Variants in RNF145 observed in about 807,000 individuals in gnomAD.
RNF145 encodes the protein ring finger protein 145.
A neutral mutation model predicts 57.3 loss-of-function variants in RNF145; 12 were observed. The observed-to-expected ratio is 0.21, with a 90% confidence interval of 0.13 to 0.34. The LOEUF (loss-of-function observed/expected upper bound fraction) is 0.34. Among genes scored for constraint, RNF145 ranks in the 10% least tolerant of loss-of-function variants. RNF145 has a pLI of 1.00. For synonymous variants in RNF145, 262 were observed against 288.3 expected (o/e 0.91, Z 0.92); for missense variants, 429 against 799.0 (o/e 0.54, Z 5.58).
At chr5:159,167,680 T>C (rs1784431157) in intron 8 of RNF145, among the ~76,000 whole-genome samples, 1 of 152,190 alleles carries the variant, frequency 6.6e-6, no homozygotes, top group African/African-American at 2.4e-5. Context: ...TTTTAAATGC[T>C]TCAGTCAAGA....
chr5:159,196,184 A>G (rs966686900), intron 2 of RNF145, among the ~76,000 whole-genome samples: 5 of 151,966 alleles, frequency 3.3e-5, no homozygotes, highest in African/African-American at 1.2e-4. Flanking sequence ...GATGGCTTTG[A>G]ATACAGCCCA....
intron 3 of RNF145, among the ~76,000 whole-genome samples, chr5:159,193,155 C>A (rs1785343726): frequency 6.6e-6 from 1 of 152,164 alleles, no homozygotes; most frequent in African/African-American, 2.4e-5. Flanking sequence ...GAGTCTAAGA[C>A]ACAGTGACAT....
chr5:159,162,888 A>G (rs1308544130), intron 9 of RNF145, 44 bp downstream of exon 9: 15 of 1,510,604 alleles, frequency 9.9e-6, no homozygotes, highest in Non-Finnish European at 1.3e-5. Context: ...GAGGAAAAAT[A>G]ACAAAATTGG....
chr5:159,176,514 T>C, intron 5 of RNF145, 118 bp downstream of exon 5: 1 of 657,484 alleles, frequency 1.5e-6, no homozygotes. Context: ...AGCAGCTGTT[T>C]TGAAACTGCA....
intron 6 of RNF145, among the ~76,000 whole-genome samples, chr5:159,171,444 G>C (rs1784552940): frequency 6.6e-6 from 1 of 151,774 alleles, no homozygotes; most frequent in African/African-American, 2.4e-5. Context: ...TTCAAACAGA[G>C]CACTTTCCTT....
intron 2 of RNF145, among the ~76,000 whole-genome samples, chr5:159,200,133 G>A (rs539114675): frequency 6.6e-6 from 1 of 151,942 alleles, no homozygotes; most frequent in Non-Finnish European, 1.5e-5. Context: ...CTCCCCACCT[G>A]CCCCCAAAAT....
chr5:159,163,216 T>C, intron 8 of RNF145, 137 bp from the exon 9 acceptor site: 2 of 770,602 alleles, frequency 2.6e-6, no homozygotes, highest in South Asian at 2.0e-5. Flanking sequence ...TGCCAGTCAC[T>C]GTACTAGAGT....
chr5:159,183,506 T>C (rs544869037), intron 3 of RNF145, among the ~76,000 whole-genome samples: 35 of 152,148 alleles, frequency 2.3e-4, no homozygotes, highest in African/African-American at 8.4e-4. Context: ...CAAATGCAAA[T>C]AACACATAAA....
Position 159,174,092 on chromosome 5 carries a change from G to T in RNF145, c.688C>A (p.Leu230Ile). ...SLWNQLVVPV[L>I]FMVFWLVLFA... ...AAGACGAGCCAGAAAACCATGAAAA[G>T]AACAGGGACTACCAGTTGATTCCAC... Residue 230 changes from leucine (L) to isoleucine (I), a missense_variant, in exon 6 of 11, where the codon CTT (leucine) becomes ATT (isoleucine). Transcript: ENST00000424310. 1 of 1,613,598 alleles carries T rather than the reference G, an allele frequency of 6.2e-7. No homozygotes were observed. Among genetic ancestry groups the T allele is most frequent in the South Asian group, 1.1e-5 (1 of 91,052 alleles).
At chr5:159,171,920 A>G (rs947994557) in intron 6 of RNF145, among the ~76,000 whole-genome samples, 2 of 152,224 alleles carry the variant, frequency 1.3e-5, no homozygotes, top group African/African-American at 4.8e-5. Context: ...CTGGCGAGGC[A>G]TAGAAAAAGA....
intron 2 of RNF145, among the ~76,000 whole-genome samples, chr5:159,196,763 A>G (rs899160953): frequency 1.3e-5 from 2 of 152,212 alleles, no homozygotes; most frequent in Non-Finnish European, 2.9e-5. Context: ...TTTAAAGGAT[A>G]TGTAATATAG....
Position 159,169,056 on chromosome 5 carries a change from C to A in RNF145, c.939-1G>T. ...CAGCGTTACTCCTTCTGTCATGCCC[C>A]TAAAAAAAGCATACATTTTCAGAAA... On this transcript the variant is annotated splice_acceptor_variant, in intron 7 of 10. Coordinates refer to ENST00000424310, the MANE Select transcript of RNF145 (RefSeq NM_001199383.2). LOFTEE classifies it high-confidence loss of function. 6.5e-7 allele frequency: 1 copy of A among 1,534,382 alleles called. No individual in the cohort carries two copies. The highest frequency in any genetic ancestry group is 1.3e-5 in the South Asian group (1 of 78,978).
intron 3 of RNF145, 81 bp from the exon 4 acceptor site, chr5:159,182,132 GT>G (rs1471481140): frequency 6.3e-6 from 5 of 799,980 alleles, no homozygotes; most frequent in Non-Finnish European, 1.0e-5. Flanking sequence ...AGCATATTAT[GT>G]TAATGATACC....
chr5:159,173,594 T>A (rs771312107), intron 6 of RNF145, among the ~76,000 whole-genome samples: 3 of 152,172 alleles, frequency 2.0e-5, no homozygotes, highest in Non-Finnish European at 4.4e-5. Context: ...TCTCTTAGGG[T>A]CGTTGTAAAG....
intron 3 of RNF145, among the ~76,000 whole-genome samples, chr5:159,190,423 T>A (rs1467020928): frequency 2.6e-5 from 4 of 152,032 alleles, no homozygotes; most frequent in Non-Finnish European, 5.9e-5. Flanking sequence ...CAGTGACTCA[T>A]ACCTGTAATC....
chr5:159,197,423 A>G (rs1001804204), intron 2 of RNF145, among the ~76,000 whole-genome samples: 5 of 152,226 alleles, frequency 3.3e-5, no homozygotes, highest in Non-Finnish European at 7.3e-5. Flanking sequence ...AAATTCTTCA[A>G]TATCTATTTA....
At chr5:159,208,539 T>C (rs1322825327) in intron 1 of RNF145, among the ~76,000 whole-genome samples, 1 of 152,006 alleles carries the variant, frequency 6.6e-6, no homozygotes, top group African/African-American at 2.4e-5. Context: ...GCCCTCTTAC[T>C]ATAAAAGGGA....
chr5:159,205,607 T>C lies in RNF145; in HGVS notation c.-39-1951A>G, dbSNP rs1297041970. On this transcript the variant is annotated intron_variant, in intron 1 of 10. Transcript: ENST00000424310. The stretch of plus-strand genomic sequence containing the variant: ...CTTGGGAATTTATTTCAAAGTAATA[T>C]TGAATAGATCTTCTCACAAACCACC... Among the ~76,000 whole-genome samples the C allele has an allele frequency of 3.3e-5, 5 of 152,314 alleles. No individual in the cohort carries two copies. In the South Asian group the frequency reaches 8.3e-4, roughly 25 times the overall value.
At chr5:159,204,867 A>G (rs1273613279) in intron 1 of RNF145, among the ~76,000 whole-genome samples, 1 of 151,882 alleles carries the variant, frequency 6.6e-6, no homozygotes, top group Non-Finnish European at 1.5e-5. Context: ...AAGAGTAAAG[A>G]TAATTCTGGA....
Sources: gnomAD v4.1 joint callset for allele counts (sites outside exome capture counted in the v4.1 genomes callset) on GRCh38, gnomAD v4.1.1 for gene constraint, MANE v1.5 for transcripts, NCBI Gene and HGNC (gene_info 2026-07-23, HGNC 2026-07-21) for gene names.